The following SMAD4 variants were observed in gnomAD, a reference collection of about 807,000 sequenced individuals.
SMAD4 encodes the protein MAD homolog 4.
A neutral mutation model predicts 63.2 loss-of-function variants in SMAD4; 7 were observed. The ratio of observed to expected loss-of-function variants is 0.11; its 90% CI spans 0.06 to 0.21. The LOEUF is 0.21. Ranked by LOEUF, SMAD4 falls within the 10% of genes least tolerant of loss-of-function variation. The pLI, the probability that SMAD4 is intolerant of heterozygous loss-of-function variation, is 1.00. For missense variants in SMAD4, 312 were observed against 693.8 expected (o/e 0.45, Z 6.18); for synonymous variants, 215 against 235.4 (o/e 0.91, Z 0.79).
chr18:51,079,002 G>A lies in SMAD4; in HGVS notation c.*535G>A, dbSNP rs1429777394. 4.3e-6 allele frequency: 1 copy of A among 233,770 alleles called. No individual in the cohort carries two copies. Among genetic ancestry groups the A allele is most frequent in the Non-Finnish European group, 8.5e-6 (1 of 118,286 alleles). 14.5% of individuals were successfully genotyped at this position (233,770 alleles called of 1,614,324 possible). ...TTAAAAAGTAAGTTAATAATGTATTGTAATCTTTCATCCAAAATATTTTTT... is the reference window on the plus strand; with the variant it reads ...TTAAAAAGTAAGTTAATAATGTATTATAATCTTTCATCCAAAATATTTTTT... On this transcript the variant is annotated 3_prime_UTR_variant, in exon 12 of 12. Transcript: ENST00000342988.
intron 10 of SMAD4, among the ~76,000 whole-genome samples, chr18:51,073,507 T>A (rs1224942852): frequency 1.3e-5 from 2 of 150,156 alleles, no homozygotes; most frequent in African/African-American, 4.9e-5. Context: ...CTATAAAACT[T>A]CTAGAAGATA....
chr18:51,062,322 A>T (rs1401270198), intron 8 of SMAD4, among the ~76,000 whole-genome samples: 2 of 152,150 alleles, frequency 1.3e-5, no homozygotes, highest in African/African-American at 4.8e-5. Flanking sequence ...ACATCACTAA[A>T]ACCAATACTC....
intron 10 of SMAD4, among the ~76,000 whole-genome samples, chr18:51,073,388 T>TATAC (rs1417299090): frequency 3.4e-4 from 22 of 64,160 alleles, no homozygotes; most frequent in African/African-American, 6.1e-4. Context: ...TATATATATA[T>TATAC]ACACACACAC....
At position 51,084,943 on chromosome 18, in the gene SMAD4, A is replaced by G. The variant is rs1293212619; in HGVS notation, c.*6476A>G. 4.6e-6 allele frequency: 1 copy of G among 217,842 alleles called. No individual in the cohort carries two copies. Among genetic ancestry groups the G allele is most frequent in the Non-Finnish European group, 9.2e-6 (1 of 108,534 alleles). 13.5% of individuals were successfully genotyped at this position (217,842 alleles called of 1,614,324 possible). A position where few individuals can be genotyped will look rare whatever the true frequency, so the allele number is the denominator to read the frequency against. ...GGAGTTCCTTTGTGGCTTTCTGTAT[A>G]CTTTTGCCTGGTTAAAGTCTGTGGC... On this transcript the variant is annotated 3_prime_UTR_variant, in exon 12 of 12. Transcript: ENST00000342988.
chr18:51,048,592 T>A lies in SMAD4; in HGVS notation c.250-94T>A, dbSNP rs571815144. 2.1e-5 allele frequency: 23 copies of A among 1,111,858 alleles called. No homozygotes were observed. In the South Asian group the frequency reaches 3.0e-4, roughly 14 times the overall value. 68.9% of individuals were successfully genotyped at this position (1,111,858 alleles called of 1,614,324 possible). A position where few individuals can be genotyped will look rare whatever the true frequency, so the allele number is the denominator to read the frequency against. On this transcript the variant is annotated intron_variant, in intron 2 of 11. Transcript: ENST00000342988. ...CTTATTTATGAAATGGGGATTGTAA[T>A]ACTGAGTTGGTAGGATTGTGAGGAT...
chr18:51,065,327 T>TA (rs1432416855), intron 8 of SMAD4, 96 bp from the exon 9 acceptor site: 3 of 988,810 alleles, frequency 3.0e-6, no homozygotes, highest in Non-Finnish European at 4.9e-6. Context: ...CCCCTCCCTT[T>TA]ACCCTTTCTT....
At chr18:51,053,558 A>G (rs1018773775) in intron 4 of SMAD4, 1 of 152,154 alleles carries the variant, frequency 6.6e-6, no homozygotes, top group Non-Finnish European at 1.5e-5. Context: ...GGTCTTCAGA[A>G]TATCATCTTC....
At position 51,076,507 on chromosome 18, in the gene SMAD4, T is replaced by C. The variant is rs139476890; in HGVS notation, c.1309-131T>C. The C allele has an allele frequency of 1.9e-5, 15 of 779,928 alleles. No individual in the cohort carries two copies. In the East Asian group the frequency reaches 3.3e-4, roughly 17 times the overall value. The allele number at this position is 779,928 out of a possible 1,614,324, so 48.3% of individuals were successfully genotyped here. A position where few individuals can be genotyped will look rare whatever the true frequency, so the allele number is the denominator to read the frequency against. On this transcript the variant is annotated intron_variant, in intron 10 of 11. Coordinates refer to ENST00000342988, the MANE Select transcript of SMAD4 (RefSeq NM_005359.6). The stretch of plus-strand genomic sequence containing the variant: ...ACCAATCACAATGTACATAAAAGTT[T>C]ACATGTTTTAATTAATTCTTTTCAT...
chr18:51,068,084 A>G (rs1174978394), intron 10 of SMAD4, among the ~76,000 whole-genome samples: 1 of 152,196 alleles, frequency 6.6e-6, no homozygotes, highest in Non-Finnish European at 1.5e-5. Context: ...ATAACTTATT[A>G]CCAGGAAGTT....
intron 9 of SMAD4, 169 bp from the exon 10 acceptor site, chr18:51,066,850 T>C (rs925515411): frequency 2.5e-5 from 15 of 604,784 alleles, no homozygotes; most frequent in African/African-American, 3.7e-5. Flanking sequence ...TTATTAGATA[T>C]GAACAGGAAA....
chr18:51,047,368 C>A (rs1380733624), intron 2 of SMAD4, 73 bp downstream of exon 2: 1 of 1,342,594 alleles, frequency 7.4e-7, no homozygotes, highest in Non-Finnish European at 1.1e-6. Flanking sequence ...TCCTTTCAAG[C>A]TACTACAGGG....
rs1343910037 is a variant in SMAD4, at chr18:51,083,478, G to A, written c.*5011G>A. 1 of 219,180 alleles carries A rather than the reference G, an allele frequency of 4.6e-6. No homozygotes were observed. The highest frequency in any genetic ancestry group is 2.3e-5 in the African/African-American group (1 of 43,332). The allele number at this position is 219,180 out of a possible 1,614,324, so 13.6% of individuals were successfully genotyped here. ...TTTTTTCTGTTTTTTTTTTTCTAAT[G>A]TAGTAAGGACTAAGGAAAACCTTTG... On this transcript the variant is annotated 3_prime_UTR_variant, in exon 12 of 12. Transcript: ENST00000342988.
chr18:51,036,263 G>A (rs1025902099), intron 1 of SMAD4, among the ~76,000 whole-genome samples: 8 of 152,110 alleles, frequency 5.3e-5, no homozygotes, highest in Non-Finnish European at 7.3e-5. Flanking sequence ...TTATAGTAAG[G>A]TATTATTTCT....
In SMAD4 at chr18:51,048,730, C is replaced by T. The variant is rs202126703; in HGVS notation, c.294C>T (p.Leu98=). Residue 98 remains leucine (L), a synonymous_variant, in exon 3 of 12, where the codon CTC becomes CTT. Coordinates refer to ENST00000342988, the MANE Select transcript of SMAD4 (RefSeq NM_005359.6). ...TTCCTCATGTGATCTATGCCCGTCT[C>T]TGGAGGTGGCCTGATCTTCACAAAA... ...KGFPHVIYAR[L]WRWPDLHKNE... is the part of the protein sequence containing the mutation. 9 of 1,614,048 alleles carry T rather than the reference C, an allele frequency of 5.6e-6. No individual in the cohort carries two copies. The highest frequency in any genetic ancestry group is 3.3e-4 in the Middle Eastern group (2 of 6,062).
At position 51,081,304 on chromosome 18, in the gene SMAD4, A is replaced by G. The variant is rs1910607929; in HGVS notation, c.*2837A>G. The G allele has an allele frequency of 4.4e-6, 1 of 228,198 alleles. No homozygotes were observed. Among genetic ancestry groups the G allele is most frequent in the Non-Finnish European group, 8.7e-6 (1 of 115,016 alleles). 14.1% of individuals were successfully genotyped at this position (228,198 alleles called of 1,614,324 possible). On this transcript the variant is annotated 3_prime_UTR_variant, in exon 12 of 12. Coordinates refer to ENST00000342988, the MANE Select transcript of SMAD4 (RefSeq NM_005359.6). Reference sequence around the variant, plus strand: ...AGATGAGCCATGTACACCCACCGTAAGACCTCATTCCATGTTTGTCCAGTG... The same window carrying G: ...AGATGAGCCATGTACACCCACCGTAGGACCTCATTCCATGTTTGTCCAGTG...
Position 51,081,512 on chromosome 18 carries a change from T to A in SMAD4, c.*3045T>A. 4.3e-6 allele frequency: 1 copy of A among 231,760 alleles called. No individual in the cohort carries two copies. The highest frequency in any genetic ancestry group is 2.2e-5 in the African/African-American group (1 of 45,394). 14.4% of individuals were successfully genotyped at this position (231,760 alleles called of 1,614,324 possible). On this transcript the variant is annotated 3_prime_UTR_variant, in exon 12 of 12. Transcript: ENST00000342988. ...CAGAAACATGGCTGTTTTGTATTGCTGTAACCACTAAATAGGTTGCCTATA... is the reference window on the plus strand; with the variant it reads ...CAGAAACATGGCTGTTTTGTATTGCAGTAACCACTAAATAGGTTGCCTATA...
At chr18:51,040,460 TC>T (rs1458740616) in intron 1 of SMAD4, among the ~76,000 whole-genome samples, 2 of 152,054 alleles carry the variant, frequency 1.3e-5, no homozygotes, top group African/African-American at 4.8e-5. Context: ...TCTCAAATAT[TC>T]CCATAGTAAG....
intron 1 of SMAD4, among the ~76,000 whole-genome samples, chr18:51,040,740 A>T (rs1475449958): frequency 6.6e-6 from 1 of 152,262 alleles, no homozygotes; most frequent in Non-Finnish European, 1.5e-5. Context: ...GCTTACAATT[A>T]ATAGCAAGGC....
chr18:51,065,391 G>A (rs1910118938), intron 8 of SMAD4, 32 bp from the exon 9 acceptor site: 1 of 1,571,238 alleles, frequency 6.4e-7, no homozygotes, highest in African/African-American at 1.3e-5. Flanking sequence ...CTTTCTCATG[G>A]GAGGATGTTC....
Sources: allele counts gnomAD v4.1 joint callset (sites outside exome capture counted in the v4.1 genomes callset), GRCh38; gene constraint gnomAD v4.1.1; transcripts MANE v1.5; gene names NCBI Gene and HGNC (gene_info 2026-07-23, HGNC 2026-07-21).